SCAPER: variants seen among roughly 807,000 people sequenced by gnomAD.
The protein encoded by SCAPER is S phase cyclin A-associated protein in the endoplasmic reticulum.
A neutral mutation model predicts 182.2 loss-of-function variants in SCAPER; 98 were observed. The ratio of observed to expected loss-of-function variants is 0.54; its 90% CI spans 0.46 to 0.64. The LOEUF is 0.64. SCAPER is among the 30% of genes least tolerant of loss of function. The pLI is 0.00. For synonymous variants in SCAPER, 605 were observed against 564.6 expected (o/e 1.07, Z -1.01); for missense variants, 1,432 against 1,690.0 (o/e 0.85, Z 2.68).
chr15:76,362,226 G>C lies in SCAPER; in HGVS notation c.3856-8086C>G, dbSNP rs185317540. The stretch of plus-strand genomic sequence containing the variant: ...GATCTCAGGTGATCCACCCGCCTCG[G>C]CCTCCCAAAGTGCTGAGATTACAAG... On this transcript the variant is annotated intron_variant, in intron 29 of 31. Coordinates refer to ENST00000563290, the MANE Select transcript of SCAPER (RefSeq NM_020843.4). Among the ~76,000 whole-genome samples the C allele has an allele frequency of 7.2e-5, 11 of 151,998 alleles. 1 individual carries two copies. The highest frequency in any genetic ancestry group is 7.2e-4 in the Admixed American group (11 of 15,270).
intron 15 of SCAPER, among the ~76,000 whole-genome samples, chr15:76,752,033 A>G (rs891195799): frequency 6.6e-6 from 1 of 151,184 alleles, no homozygotes; most frequent in African/African-American, 2.4e-5. Context: ...TTAAAACTCC[A>G]CAATAAAAAA....
intron 5 of SCAPER, among the ~76,000 whole-genome samples, chr15:76,817,312 C>A (rs201123873): frequency 6.6e-6 from 1 of 151,958 alleles, no homozygotes; most frequent in African/African-American, 2.4e-5. Context: ...ATAAGCCAGA[C>A]CTACAAAGAA....
rs182417041 is a variant in SCAPER, at chr15:76,581,636, G to A, written c.2712-7352C>T. ...GAGTCTCGCTCTGTTGCCCAGGCTGGAGTGCAGTGGTGTGATCTCAGCTCA... is the reference window on the plus strand; with the variant it reads ...GAGTCTCGCTCTGTTGCCCAGGCTGAAGTGCAGTGGTGTGATCTCAGCTCA... On this transcript the variant is annotated intron_variant, in intron 22 of 31. Transcript: ENST00000563290. 9.3e-4 allele frequency among the ~76,000 whole-genome samples: 141 copies of A among 152,306 alleles called. 2 individuals carry two copies. The highest frequency in any genetic ancestry group is 3.3e-3 in the African/African-American group (136 of 41,566).
At chr15:76,805,732 T>C (rs2066110666) in intron 5 of SCAPER, among the ~76,000 whole-genome samples, 1 of 151,962 alleles carries the variant, frequency 6.6e-6, no homozygotes, top group Non-Finnish European at 1.5e-5. Flanking sequence ...CATGCCCAGC[T>C]AATTTTTTCT....
intron 22 of SCAPER, among the ~76,000 whole-genome samples, chr15:76,586,386 T>TAA (rs2048657618): frequency 6.6e-6 from 1 of 152,144 alleles, no homozygotes; most frequent in South Asian, 2.1e-4. Flanking sequence ...ATTAATTAAA[T>TAA]AAATTTAGGG....
At chr15:76,371,096 A>G (rs1421315422) in intron 29 of SCAPER, among the ~76,000 whole-genome samples, 2 of 152,206 alleles carry the variant, frequency 1.3e-5, no homozygotes, top group Admixed American at 1.3e-4. Context: ...CCTGGATGCT[A>G]GCCCTGATCT....
chr15:76,662,993 C>G (rs2056312903), intron 21 of SCAPER, among the ~76,000 whole-genome samples: 1 of 151,942 alleles, frequency 6.6e-6, no homozygotes, highest in Non-Finnish European at 1.5e-5. Context: ...ATTTGCTTAT[C>G]AAAAGCTATT....
intron 26 of SCAPER, among the ~76,000 whole-genome samples, chr15:76,408,145 T>G (rs2045004256): frequency 6.6e-6 from 1 of 152,232 alleles, no homozygotes; most frequent in Non-Finnish European, 1.5e-5. Context: ...GACTGGTTAA[T>G]ATGACTTAAG....
intron 4 of SCAPER, among the ~76,000 whole-genome samples, chr15:76,850,860 A>C (rs1386652633): frequency 6.1e-5 from 3 of 49,256 alleles, no homozygotes; most frequent in African/African-American, 2.5e-4. Context: ...ACTCTGTCTC[A>C]AAAAAAAAAA....
At chr15:76,665,841 A>T in intron 20 of SCAPER, 52 bp from the exon 21 acceptor site, 1 of 1,394,988 alleles carries the variant, frequency 7.2e-7, no homozygotes, top group Non-Finnish European at 9.6e-7. Context: ...ATTTAAATAT[A>T]ATATAGGATT....
chr15:76,621,175 A>C (rs533485080), intron 22 of SCAPER, among the ~76,000 whole-genome samples: 1 of 152,234 alleles, frequency 6.6e-6, no homozygotes, highest in South Asian at 2.1e-4. Context: ...TAGTGTTTCT[A>C]AGTACTTTTC....
intron 22 of SCAPER, among the ~76,000 whole-genome samples, chr15:76,581,156 A>G (rs1350353586): frequency 6.6e-6 from 1 of 152,186 alleles, no homozygotes; most frequent in Non-Finnish European, 1.5e-5. Flanking sequence ...AGCCATAATA[A>G]AAAGTCTCCC....
chr15:76,554,656 A>G (rs1488467889), intron 23 of SCAPER, among the ~76,000 whole-genome samples: 1 of 152,146 alleles, frequency 6.6e-6, no homozygotes, highest in East Asian at 1.9e-4. Context: ...AAATAAAAAA[A>G]GAAAGAAACA....
At chr15:76,560,776 A>G (rs1358012397) in intron 23 of SCAPER, among the ~76,000 whole-genome samples, 1 of 152,226 alleles carries the variant, frequency 6.6e-6, no homozygotes, top group African/African-American at 2.4e-5. Context: ...GTGAATTCCC[A>G]GGGATGCAGT....
intron 23 of SCAPER, among the ~76,000 whole-genome samples, chr15:76,536,291 CACA>C (rs1483570740): frequency 6.6e-6 from 1 of 152,086 alleles, no homozygotes; most frequent in African/African-American, 2.4e-5. Flanking sequence ...CTCAAGAGTT[CACA>C]TCCAGTCTGG....
intron 2 of SCAPER, among the ~76,000 whole-genome samples, chr15:76,871,057 C>G (rs1275679535): frequency 6.6e-6 from 1 of 151,938 alleles, no homozygotes; most frequent in African/African-American, 2.4e-5. Context: ...AAGAAAATAC[C>G]TTCAAAGTGA....
chr15:76,757,977 A>G (rs1405623117), intron 14 of SCAPER, among the ~76,000 whole-genome samples: 1 of 152,188 alleles, frequency 6.6e-6, no homozygotes, highest in East Asian at 1.9e-4. Context: ...GAGTTGTGTG[A>G]GTACTTCAAA....
intron 23 of SCAPER, among the ~76,000 whole-genome samples, chr15:76,569,491 ATT>A (rs1296939552): frequency 6.6e-6 from 1 of 152,068 alleles, no homozygotes; most frequent in Non-Finnish European, 1.5e-5. Context: ...TTGGTTTATA[ATT>A]TTACTTTCTA....
intron 23 of SCAPER, among the ~76,000 whole-genome samples, chr15:76,536,315 G>C (rs918961679): frequency 6.6e-6 from 1 of 152,064 alleles, no homozygotes. Flanking sequence ...GCAACATAGA[G>C]AGACCTTGTC....
Sources: allele counts gnomAD v4.1 joint callset (sites outside exome capture counted in the v4.1 genomes callset), GRCh38; gene constraint gnomAD v4.1.1; transcripts MANE v1.5; gene names NCBI Gene and HGNC (gene_info 2026-07-23, HGNC 2026-07-21).